FOXK2: variants seen among roughly 807,000 people sequenced by gnomAD.
FOXK2 encodes forkhead box K2, also known as forkhead box protein K2.
In FOXK2, 24 loss-of-function variants were observed where a neutral mutation model predicts 53.3. The ratio of observed to expected loss-of-function variants is 0.45; its 90% CI spans 0.33 to 0.63. FOXK2 has a LOEUF of 0.63. FOXK2 is among the 30% of genes least tolerant of loss of function. FOXK2 has a pLI of 0.03. For synonymous variants in FOXK2, 505 were observed against 407.1 expected (o/e 1.24, Z -2.89); for missense variants, 952 against 910.5 (o/e 1.05, Z -0.59).
chr17:82,542,791 AG>A (rs1421037820), intron 1 of FOXK2, among the ~76,000 whole-genome samples: 1 of 151,964 alleles, frequency 6.6e-6, no homozygotes, highest in Non-Finnish European at 1.5e-5. Flanking sequence ...CTGAGGCAGG[AG>A]GATCAGTTGA....
chr17:82,578,744 G>T (rs1488928928), intron 4 of FOXK2: 1 of 152,168 alleles, frequency 6.6e-6, no homozygotes, highest in African/African-American at 2.4e-5. Flanking sequence ...TGCGAACTGG[G>T]TTCTTTTACG....
chr17:82,601,854 G>C lies in FOXK2; in HGVS notation c.*355G>C, dbSNP rs1005892153. On this transcript the variant is annotated 3_prime_UTR_variant, in exon 9 of 9. Transcript: ENST00000335255. ...CTCCCAAGACTAGGCCTCAGGACGC[G>C]GGGGGAGCCATCCCCGCCGCCCTCA... is the stretch of plus-strand genomic sequence containing the variant. 4.9e-6 allele frequency: 1 copy of C among 202,144 alleles called. No homozygotes were observed. Among genetic ancestry groups the C allele is most frequent in the Non-Finnish European group, 1.0e-5 (1 of 98,546 alleles). 12.5% of individuals were successfully genotyped at this position (202,144 alleles called of 1,614,324 possible). A position where few individuals can be genotyped will look rare whatever the true frequency, so the allele number is the denominator to read the frequency against.
chr17:82,544,867 C>G (rs1321828194), intron 1 of FOXK2, among the ~76,000 whole-genome samples: 1 of 152,050 alleles, frequency 6.6e-6, no homozygotes, highest in Admixed American at 6.6e-5. Context: ...GTCTGTCCCC[C>G]TTTCCTCTTG....
intron 1 of FOXK2, among the ~76,000 whole-genome samples, chr17:82,535,419 C>CT (rs1337748294): frequency 6.6e-6 from 1 of 152,168 alleles, no homozygotes; most frequent in African/African-American, 2.4e-5. Context: ...TTCAGACATT[C>CT]TTTCTGCCCA....
At chr17:82,554,494 G>A (rs1487070566) in intron 1 of FOXK2, among the ~76,000 whole-genome samples, 3 of 152,168 alleles carry the variant, frequency 2.0e-5, no homozygotes, top group African/African-American at 7.2e-5. Flanking sequence ...TTGCGACACT[G>A]AATCCAGTTT....
chr17:82,525,426 A>T (rs1024165170), intron 1 of FOXK2, among the ~76,000 whole-genome samples: 1 of 151,954 alleles, frequency 6.6e-6, no homozygotes, highest in African/African-American at 2.4e-5. Context: ...TCATCTGCCC[A>T]CCTCGGCCTC....
At position 82,575,163 on chromosome 17, in the gene FOXK2, C is replaced by G. The variant is rs547878831; in HGVS notation, c.909+3293C>G. Among the ~76,000 whole-genome samples, 6 of 152,324 alleles carry G rather than the reference C, an allele frequency of 3.9e-5. No individual in the cohort carries two copies. In the South Asian group the frequency reaches 1.2e-3, roughly 32 times the overall value. Reference sequence around the variant, plus strand: ...TACCACACATTGCACTAAAGCAAAGCAGCAAACAGCCAGTAAAGCTGTGCC... The same window carrying G: ...TACCACACATTGCACTAAAGCAAAGGAGCAAACAGCCAGTAAAGCTGTGCC... On this transcript the variant is annotated intron_variant, in intron 4 of 8. Coordinates refer to ENST00000335255, the MANE Select transcript of FOXK2 (RefSeq NM_004514.4).
At chr17:82,587,362 A>C (rs3794717) in intron 8 of FOXK2, 90 bp downstream of exon 8, 11 of 986,728 alleles carry the variant, frequency 1.1e-5, no homozygotes, top group Admixed American at 5.8e-5. Flanking sequence ...GACTGTAACA[A>C]TTTTAGCTTT....
chr17:82,570,000 A>T (rs2044896730), intron 3 of FOXK2, among the ~76,000 whole-genome samples: 2 of 152,240 alleles, frequency 1.3e-5, no homozygotes, highest in South Asian at 2.1e-4. Flanking sequence ...AGGTGGGCGG[A>T]TCACGAGGTC....
chr17:82,583,437 C>T (rs2045089809), intron 5 of FOXK2, among the ~76,000 whole-genome samples: 1 of 152,228 alleles, frequency 6.6e-6, no homozygotes, highest in Non-Finnish European at 1.5e-5. Flanking sequence ...ATCCCAGCTA[C>T]TCGGGAGCCT....
At chr17:82,529,724 A>G (rs2044454859) in intron 1 of FOXK2, among the ~76,000 whole-genome samples, 1 of 151,962 alleles carries the variant, frequency 6.6e-6, no homozygotes, top group African/African-American at 2.4e-5. Context: ...GGAGGTTGAG[A>G]CTCATTGCGG....
At position 82,585,960 on chromosome 17, in the gene FOXK2, G is replaced by GC. The variant is rs1190359786; in HGVS notation, c.1338dup (p.Ile447HisfsTer66). The GC allele has an allele frequency of 6.2e-7, 1 of 1,612,732 alleles. No homozygotes were observed. Among genetic ancestry groups the GC allele is most frequent in the Non-Finnish European group, 8.5e-7 (1 of 1,179,918 alleles). On this transcript the variant is annotated frameshift_variant, in exon 7 of 9. Coordinates refer to ENST00000335255, the MANE Select transcript of FOXK2 (RefSeq NM_004514.4). LOFTEE classifies it high-confidence loss of function. ...CACCGTCCAGCGGCAGCTACCACAG[G>GC]CCATCAAGCCTGTCACCTACACTGT...
intron 8 of FOXK2, among the ~76,000 whole-genome samples, chr17:82,588,962 G>A (rs1025717354): frequency 6.6e-5 from 10 of 151,690 alleles, no homozygotes; most frequent in Admixed American, 3.9e-4. Context: ...GGGAGGCTGA[G>A]GCAGGAGAAT....
intron 1 of FOXK2, among the ~76,000 whole-genome samples, chr17:82,521,965 A>G (rs1178938498): frequency 6.6e-6 from 1 of 151,312 alleles, no homozygotes; most frequent in African/African-American, 2.4e-5. Flanking sequence ...TCAAATGAAA[A>G]TGCTATTTAT....
At chr17:82,536,772 G>C (rs2044524708) in intron 1 of FOXK2, among the ~76,000 whole-genome samples, 1 of 152,224 alleles carries the variant, frequency 6.6e-6, no homozygotes, top group Non-Finnish European at 1.5e-5. Context: ...TGAGGCCTCT[G>C]AATGTCCTGA....
Position 82,586,134 on chromosome 17 carries a change from C to T in FOXK2, c.1510C>T (p.Pro504Ser), listed in dbSNP as rs780073535. The change falls in exon 7 of 9, where the codon CCG becomes TCG. Residue 504 changes from proline to serine, a missense_variant. Pro to Ser is a moderately conservative substitution (Grantham distance 74). Transcript: ENST00000335255. ...YTVSGQAVVT[P>S]AAVLAPPKAE... ...TGTCTCTGGACAAGCTGTGGTCACC[C>T]CGGCAGCCGTGCTGGCCCCTCCTAA... 17 of 1,612,600 alleles carry T rather than the reference C, an allele frequency of 1.1e-5. No homozygotes were observed. The highest frequency in any genetic ancestry group is 1.4e-5 in the Non-Finnish European group (17 of 1,179,932).
chr17:82,590,161 C>G (rs1452211699), intron 8 of FOXK2, among the ~76,000 whole-genome samples: 8 of 152,074 alleles, frequency 5.3e-5, no homozygotes, highest in African/African-American at 1.9e-4. Context: ...AGAGGCTGTT[C>G]AGAGAGAGGA....
intron 4 of FOXK2, among the ~76,000 whole-genome samples, chr17:82,578,819 G>A (rs1172784058): frequency 6.6e-6 from 1 of 152,220 alleles, no homozygotes; most frequent in Non-Finnish European, 1.5e-5. Flanking sequence ...GTAAGTGATG[G>A]TGGTGGTGAC....
At chr17:82,573,562 TCACACACACACACACACA>T (rs1019671658) in intron 4 of FOXK2, among the ~76,000 whole-genome samples, 4 of 83,316 alleles carry the variant, frequency 4.8e-5, no homozygotes, top group Non-Finnish European at 1.0e-4. Flanking sequence ...TCTCTCTCTC[TCACACACACACACACACA>T]CACACACACA....
Sources: gnomAD v4.1 joint callset for allele counts (sites outside exome capture counted in the v4.1 genomes callset) on GRCh38, gnomAD v4.1.1 for gene constraint, MANE v1.5 for transcripts, NCBI Gene and HGNC (gene_info 2026-07-23, HGNC 2026-07-21) for gene names.